Variants in KCNG3 observed in about 807,000 individuals in gnomAD.
KCNG3 encodes the protein voltage-gated potassium channel regulatory subunit KCNG3.
KCNG3 carries 15 observed loss-of-function variants against 29.0 expected under a neutral mutation model. The ratio of observed to expected loss-of-function variants is 0.52; its 90% CI spans 0.35 to 0.80. KCNG3 has a LOEUF of 0.80. KCNG3 is among the 30% of genes least tolerant of loss of function. The probability of loss-of-function intolerance (pLI) is 0.01; values close to 1 mark genes in which losing one functional copy is unlikely to be tolerated. For missense variants in KCNG3, 512 were observed against 605.7 expected (o/e 0.85, Z 1.62); for synonymous variants, 322 against 248.9 (o/e 1.29, Z -2.76).
At chr2:42,449,431 A>G (rs1282607561) in intron 1 of KCNG3, among the ~76,000 whole-genome samples, 2 of 151,462 alleles carry the variant, frequency 1.3e-5, no homozygotes, top group Non-Finnish European at 2.9e-5. Flanking sequence ...CATGACAGAA[A>G]CCATATAGCT....
At chr2:42,431,837 A>AG in the KCNG3 span, among the ~76,000 whole-genome samples, 8 of 152,192 alleles carry the variant, frequency 5.3e-5, no homozygotes, top group Non-Finnish European at 7.3e-5. Flanking sequence ...CAGGAGTTCG[A>AG]GACCAGCCTG....
chr2:42,434,501 A>G, the KCNG3 span, among the ~76,000 whole-genome samples: 1 of 149,292 alleles, frequency 6.7e-6, no homozygotes, highest in African/African-American at 2.5e-5. Context: ...GAGAGAGGGA[A>G]AGAGAAAAAA....
chr2:42,458,004 C>A (rs537439027), intron 1 of KCNG3, among the ~76,000 whole-genome samples: 1 of 152,104 alleles, frequency 6.6e-6, no homozygotes, highest in Non-Finnish European at 1.5e-5. Flanking sequence ...TATGTACTCA[C>A]TGACTAAGTC....
rs964798682 is a variant in KCNG3, at chr2:42,472,154, T to TG, written c.665+20682dup. On this transcript the variant is annotated intron_variant, in intron 1 of 1. Transcript: ENST00000306078. Reference sequence around the variant, plus strand: ...TAAAGAAGGTCTCCTACATGTGCACTGAGACATGAACAAAACTATTCATTG... The same window carrying TG: ...TAAAGAAGGTCTCCTACATGTGCACTGGAGACATGAACAAAACTATTCATTG... 2.0e-4 allele frequency among the ~76,000 whole-genome samples: 30 copies of TG among 152,292 alleles called. 1 individual carries two copies. Among genetic ancestry groups the TG allele is most frequent in the African/African-American group, 7.2e-4 (30 of 41,556 alleles).
At chr2:42,430,663 G>A in the KCNG3 span, among the ~76,000 whole-genome samples, 1 of 151,938 alleles carries the variant, frequency 6.6e-6, no homozygotes, top group Non-Finnish European at 1.5e-5. Context: ...AGGTGGGAGT[G>A]GGAGGATCAC....
intron 1 of KCNG3, among the ~76,000 whole-genome samples, chr2:42,450,138 C>G (rs1323365040): frequency 6.6e-6 from 1 of 152,146 alleles, no homozygotes; most frequent in African/African-American, 2.4e-5. Context: ...CTAATTATTT[C>G]CAGCAGCAGC....
At chr2:42,401,992 T>C in the KCNG3 span, among the ~76,000 whole-genome samples, 1 of 152,236 alleles carries the variant, frequency 6.6e-6, no homozygotes, top group Non-Finnish European at 1.5e-5. Context: ...AGATAGCTGG[T>C]AAAACATTAT....
chr2:42,449,263 G>T (rs564633407), intron 1 of KCNG3, among the ~76,000 whole-genome samples: 22 of 151,526 alleles, frequency 1.5e-4, no homozygotes, highest in African/African-American at 4.6e-4. Flanking sequence ...CTTAATGATT[G>T]GGGGAAAAAA....
chr2:42,426,824 T>C, the KCNG3 span, among the ~76,000 whole-genome samples: 1 of 152,208 alleles, frequency 6.6e-6, no homozygotes, highest in South Asian at 2.1e-4. Context: ...CCATAAACTG[T>C]TTGCAAGACA....
intron 1 of KCNG3, among the ~76,000 whole-genome samples, chr2:42,465,447 G>A (rs1224988940): frequency 6.6e-6 from 1 of 151,918 alleles, no homozygotes; most frequent in Non-Finnish European, 1.5e-5. Context: ...GAACTCCTGG[G>A]CTCAAGTGAT....
chr2:42,388,869 A>C, the KCNG3 span, among the ~76,000 whole-genome samples: 1 of 149,808 alleles, frequency 6.7e-6, no homozygotes, highest in Non-Finnish European at 1.5e-5. Context: ...TAAGCACATA[A>C]TTTTTTTTTT....
chr2:42,489,298 G>A (rs1673813642), intron 1 of KCNG3, among the ~76,000 whole-genome samples: 1 of 152,090 alleles, frequency 6.6e-6, no homozygotes. Flanking sequence ...GCTGAGGTGG[G>A]AAAATCACCT....
chr2:42,455,636 G>A (rs903066596), intron 1 of KCNG3, among the ~76,000 whole-genome samples: 1 of 152,078 alleles, frequency 6.6e-6, no homozygotes. Flanking sequence ...CCAGTGTGGG[G>A]CATGTGCCTG....
At chr2:42,484,325 G>T (rs1572865459) in intron 1 of KCNG3, among the ~76,000 whole-genome samples, 1 of 152,166 alleles carries the variant, frequency 6.6e-6, no homozygotes, top group Non-Finnish European at 1.5e-5. Flanking sequence ...AGCTGGACAT[G>T]GTGGTGCACA....
chr2:42,446,793 G>T (rs1672608017), intron 1 of KCNG3, among the ~76,000 whole-genome samples: 1 of 151,988 alleles, frequency 6.6e-6, no homozygotes, highest in African/African-American at 2.4e-5. Flanking sequence ...TTTCTGAATA[G>T]GTATTCACAT....
At chr2:42,482,928 C>T (rs1306457935) in intron 1 of KCNG3, among the ~76,000 whole-genome samples, 1 of 151,912 alleles carries the variant, frequency 6.6e-6, no homozygotes, top group Admixed American at 6.6e-5. Context: ...CAAGACCAGC[C>T]CGGACAATAT....
At chr2:42,396,185 C>T in the KCNG3 span, among the ~76,000 whole-genome samples, 9 of 152,102 alleles carry the variant, frequency 5.9e-5, no homozygotes, top group African/African-American at 2.2e-4. Context: ...GTTTCTACTG[C>T]ATGTATATCA....
the KCNG3 span, among the ~76,000 whole-genome samples, chr2:42,389,174 T>C: frequency 6.6e-6 from 1 of 152,308 alleles, no homozygotes; most frequent in Admixed American, 6.5e-5. Context: ...CCCTTCAGCC[T>C]CCCAAAGTGC....
chr2:42,437,662 G>A (rs886676952), downstream of KCNG3, among the ~76,000 whole-genome samples: 3 of 152,148 alleles, frequency 2.0e-5, no homozygotes, highest in Non-Finnish European at 4.4e-5. Flanking sequence ...TGTGGGCTGG[G>A]TGTGTTGACT....
Sources: allele counts gnomAD v4.1 joint callset (sites outside exome capture counted in the v4.1 genomes callset), GRCh38; gene constraint gnomAD v4.1.1; transcripts MANE v1.5; gene names NCBI Gene and HGNC (gene_info 2026-07-23, HGNC 2026-07-21).